Variants in RGL1 observed in about 807,000 individuals in gnomAD.
RGL1 encodes the protein ral guanine nucleotide dissociation stimulator-like 1.
In RGL1, 24 loss-of-function variants were observed where a neutral mutation model predicts 95.2. That is an observed-to-expected ratio of 0.25 (90% confidence interval 0.18 to 0.35). The LOEUF (loss-of-function observed/expected upper bound fraction) is 0.35, where lower values mean the gene tolerates loss of function less well. Ranked by LOEUF, RGL1 falls within the 10% of genes least tolerant of loss-of-function variation. The probability of loss-of-function intolerance (pLI) is 1.00; values close to 1 mark genes in which losing one functional copy is unlikely to be tolerated. For synonymous variants in RGL1, 329 were observed against 344.9 expected (o/e 0.95, Z 0.51); for missense variants, 715 against 936.3 (o/e 0.76, Z 3.08).
At chr1:183,676,077 G>A (rs1652810312) in intron 1 of RGL1, among the ~76,000 whole-genome samples, 1 of 152,262 alleles carries the variant, frequency 6.6e-6, no homozygotes, top group East Asian at 1.9e-4. Context: ...AGCCCAGAAG[G>A]TCAAGGTTGC....
At chr1:183,757,773 A>T (rs1325005448) in intron 2 of RGL1, among the ~76,000 whole-genome samples, 1 of 152,198 alleles carries the variant, frequency 6.6e-6, no homozygotes, top group Non-Finnish European at 1.5e-5. Context: ...AGGATTATGA[A>T]GATTAGAGGT....
At chr1:183,908,356 C>T (rs771064779) in intron 14 of RGL1, among the ~76,000 whole-genome samples, 65 of 152,268 alleles carry the variant, frequency 4.3e-4, no homozygotes, top group Non-Finnish European at 4.6e-4. Flanking sequence ...TCAGCGGCCA[C>T]GCAGGCTGCT....
intron 1 of RGL1, among the ~76,000 whole-genome samples, chr1:183,669,856 A>G (rs971223841): frequency 1.3e-5 from 2 of 150,148 alleles, no homozygotes; most frequent in African/African-American, 5.0e-5. Flanking sequence ...GTGGCGAGAA[A>G]AAGGGGGAAA....
intron 1 of RGL1, among the ~76,000 whole-genome samples, chr1:183,656,676 A>G (rs1651189529): frequency 6.6e-6 from 1 of 152,244 alleles, no homozygotes; most frequent in South Asian, 2.1e-4. Context: ...GGAGCTGCCC[A>G]ATTTGCCAGT....
At chr1:183,670,587 G>A (rs115203008) in intron 1 of RGL1, among the ~76,000 whole-genome samples, 151 of 152,304 alleles carry the variant, frequency 9.9e-4, no homozygotes, top group African/African-American at 3.5e-3. Flanking sequence ...ACTTGTTCCT[G>A]TGGAGGTTTT....
At chr1:183,760,626 C>T (rs954728658) in intron 2 of RGL1, among the ~76,000 whole-genome samples, 1 of 150,196 alleles carries the variant, frequency 6.7e-6, no homozygotes, top group African/African-American at 2.4e-5. Context: ...TGCATGTAGT[C>T]CCAGCTACTC....
At position 183,925,791 on chromosome 1, in the gene RGL1, G is replaced by A. The variant is rs1669580728; in HGVS notation, c.2120-314G>A. Among the ~76,000 whole-genome samples the A allele has an allele frequency of 2.0e-5, 3 of 152,168 alleles. No homozygotes were observed. The South Asian group carries it at 6.2e-4, about 32-fold the overall frequency. ...CTGCTATTCACTAGCTGCCATCTTG[G>A]GAATTTTCTTTAACTTTTCTTGGCC... On this transcript the variant is annotated intron_variant, in intron 17 of 17. Coordinates refer to ENST00000360851, the MANE Select transcript of RGL1 (RefSeq NM_001297671.3).
At chr1:183,669,228 T>G (rs1652272029) in intron 1 of RGL1, among the ~76,000 whole-genome samples, 2 of 152,264 alleles carry the variant, frequency 1.3e-5, no homozygotes, top group South Asian at 4.1e-4. Context: ...ATGGACATTT[T>G]TATTGTTATG....
chr1:183,912,214 G>A lies in RGL1; in HGVS notation c.1695G>A (p.Glu565=), dbSNP rs766893244. ...SVSSCESNHS[E]AEEGSITPMD... ...CATCCTGCGAGTCGAACCACTCAGA[G>A]GCTGAGGAGGGCTCCATTACTCCCA... The change falls in exon 15 of 18, where the codon GAG becomes GAA. Residue 565 remains glutamate (E), a synonymous_variant. Transcript: ENST00000360851. 1 of 1,613,968 alleles carries A rather than the reference G, an allele frequency of 6.2e-7. No homozygotes were observed. Among genetic ancestry groups the A allele is most frequent in the Non-Finnish European group, 8.5e-7 (1 of 1,180,012 alleles).
intron 15 of RGL1, among the ~76,000 whole-genome samples, chr1:183,913,781 T>C (rs1014432160): frequency 6.6e-6 from 1 of 152,210 alleles, no homozygotes. Flanking sequence ...CAAGTGACTT[T>C]GTCATAATGT....
chr1:183,758,708 A>G (rs1029736012), intron 2 of RGL1, among the ~76,000 whole-genome samples: 3 of 151,704 alleles, frequency 2.0e-5, no homozygotes, highest in Non-Finnish European at 4.4e-5. Context: ...TCATGACCTT[A>G]TTGCCTCCCC....
At chr1:183,780,081 G>A (rs941495524) in intron 2 of RGL1, among the ~76,000 whole-genome samples, 1 of 152,170 alleles carries the variant, frequency 6.6e-6, no homozygotes, top group East Asian at 1.9e-4. Context: ...CTTGATTCCA[G>A]TTTCCTCCCT....
At chr1:183,799,187 C>T (rs991747486) in intron 2 of RGL1, among the ~76,000 whole-genome samples, 45 of 152,272 alleles carry the variant, frequency 3.0e-4, no homozygotes, top group African/African-American at 1.0e-3. Context: ...CAGGCATGAG[C>T]CACCATGCCT....
intron 2 of RGL1, among the ~76,000 whole-genome samples, chr1:183,757,084 T>G (rs1159715853): frequency 6.6e-6 from 1 of 151,608 alleles, no homozygotes; most frequent in Non-Finnish European, 1.5e-5. Context: ...ACTGGACTTA[T>G]CTATGTTCAA....
At chr1:183,700,720 A>G (rs1249193670) in intron 1 of RGL1, among the ~76,000 whole-genome samples, 1 of 151,746 alleles carries the variant, frequency 6.6e-6, no homozygotes, top group Non-Finnish European at 1.5e-5. Context: ...TAATTTTTGT[A>G]TTTTTAGAAG....
At chr1:183,647,133 T>G (rs1188075786) in intron 1 of RGL1, 2 of 152,988 alleles carry the variant, frequency 1.3e-5, no homozygotes, top group African/African-American at 4.8e-5. Context: ...TAGCTATATG[T>G]AATCAGCAGA....
At chr1:183,792,288 C>A (rs1030425349) in intron 2 of RGL1, among the ~76,000 whole-genome samples, 12 of 152,036 alleles carry the variant, frequency 7.9e-5, no homozygotes, top group African/African-American at 2.9e-4. Context: ...ATTTCAAAAC[C>A]CTGATATTGC....
At chr1:183,914,528 T>C (rs1668846816) in intron 15 of RGL1, among the ~76,000 whole-genome samples, 1 of 152,190 alleles carries the variant, frequency 6.6e-6, no homozygotes, top group African/African-American at 2.4e-5. Flanking sequence ...CTTCCTGACC[T>C]GAGAGCCTGT....
At chr1:183,893,112 T>G (rs1384225896) in intron 9 of RGL1, among the ~76,000 whole-genome samples, 1 of 152,192 alleles carries the variant, frequency 6.6e-6, no homozygotes, top group Non-Finnish European at 1.5e-5. Context: ...ATAGAGAAGG[T>G]AAATTAGTAG....
Sources: gnomAD v4.1 joint callset for allele counts (sites outside exome capture counted in the v4.1 genomes callset) on GRCh38, gnomAD v4.1.1 for gene constraint, MANE v1.5 for transcripts, NCBI Gene and HGNC (gene_info 2026-07-23, HGNC 2026-07-21) for gene names.